SYT1: variants seen among roughly 807,000 people sequenced by gnomAD.
SYT1 encodes the protein synaptotagmin 1.
Under a neutral mutation model 44.8 loss-of-function variants are expected in SYT1, and 8 were observed. The observed-to-expected ratio is 0.18, with a 90% CI of 0.10 to 0.32. SYT1 has a LOEUF of 0.32. Ranked by LOEUF, SYT1 falls within the 10% of genes least tolerant of loss-of-function variation. SYT1 has a pLI of 1.00. For synonymous variants in SYT1, 154 were observed against 188.8 expected (o/e 0.82, Z 1.51); for missense variants, 286 against 509.3 (o/e 0.56, Z 4.22).
At chr12:78,941,021 CT>C (rs1308056880) in intron 1 of SYT1, among the ~76,000 whole-genome samples, 3 of 130,234 alleles carry the variant, frequency 2.3e-5, no homozygotes, top group Non-Finnish European at 3.4e-5. Context: ...TAGAGCATTT[CT>C]TTTTTTCTTT....
intron 2 of SYT1, among the ~76,000 whole-genome samples, chr12:79,026,383 T>C (rs1413750405): frequency 2.6e-5 from 4 of 151,576 alleles, no homozygotes; most frequent in South Asian, 2.1e-4. Context: ...TCTGAATGTG[T>C]AATGCATTTA....
intron 3 of SYT1, among the ~76,000 whole-genome samples, chr12:79,093,480 A>G (rs540549273): frequency 2.0e-5 from 3 of 151,868 alleles, no homozygotes; most frequent in African/African-American, 7.2e-5. Flanking sequence ...TGCAAAATCT[A>G]TCAATACTCT....
chr12:79,089,784 A>G (rs1877645387), intron 3 of SYT1, among the ~76,000 whole-genome samples: 1 of 152,082 alleles, frequency 6.6e-6, no homozygotes, highest in Admixed American at 6.6e-5. Context: ...CTTGCGTTTA[A>G]TTTGCTAAAC....
chr12:79,228,750 G>C (rs1186836899), intron 4 of SYT1, among the ~76,000 whole-genome samples: 1 of 152,144 alleles, frequency 6.6e-6, no homozygotes, highest in African/African-American at 2.4e-5. Flanking sequence ...CTGCATTCAA[G>C]TTATGTGAAC....
intron 9 of SYT1, among the ~76,000 whole-genome samples, chr12:79,375,622 A>T (rs1883962160): frequency 6.6e-6 from 1 of 152,222 alleles, no homozygotes; most frequent in South Asian, 2.1e-4. Flanking sequence ...TTCAAATATC[A>T]GTTCCATCAT....
intron 1 of SYT1, among the ~76,000 whole-genome samples, chr12:78,901,985 A>G (rs1024060316): frequency 1.3e-5 from 2 of 151,942 alleles, no homozygotes; most frequent in Non-Finnish European, 2.9e-5. Context: ...GAACTGAACA[A>G]TAAGAACACA....
intron 1 of SYT1, among the ~76,000 whole-genome samples, chr12:78,965,799 C>T (rs1467851307): frequency 1.3e-5 from 2 of 152,068 alleles, no homozygotes; most frequent in Non-Finnish European, 1.5e-5. Flanking sequence ...CTGGAATAGG[C>T]TTGGTGCAGT....
At chr12:79,349,027 GAAAGAA>G (rs1228671009) in intron 8 of SYT1, among the ~76,000 whole-genome samples, 7 of 85,586 alleles carry the variant, frequency 8.2e-5, no homozygotes, top group Non-Finnish European at 1.4e-4. Flanking sequence ...AAGAAAGAAA[GAAAGAA>G]AAAGAAAGAA....
chr12:78,978,442 T>A (rs889744770), intron 2 of SYT1, among the ~76,000 whole-genome samples: 2 of 152,220 alleles, frequency 1.3e-5, no homozygotes, highest in African/African-American at 4.8e-5. Context: ...CTTTCATATA[T>A]GGCTAATTCA....
chr12:79,171,465 AT>A (rs1351387904), intron 3 of SYT1, among the ~76,000 whole-genome samples: 1 of 151,890 alleles, frequency 6.6e-6, no homozygotes, highest in East Asian at 1.9e-4. Flanking sequence ...GAGTAGAAAT[AT>A]TTTTAAGGAA....
chr12:79,357,957 CAT>C lies in SYT1; in HGVS notation c.928+4340_928+4341del, dbSNP rs372217135. Reference sequence around the variant, plus strand: ...CCCAAAGGTATGAGGCTGTGTGTCTCATAGTTTTAAGCTAAAGTATATAACTT... The same window carrying C: ...CCCAAAGGTATGAGGCTGTGTGTCTCAGTTTTAAGCTAAAGTATATAACTT... On this transcript the variant is annotated intron_variant, in intron 9 of 10. Transcript: ENST00000261205. 1.2e-3 allele frequency among the ~76,000 whole-genome samples: 177 copies of C among 152,294 alleles called. 3 individuals carry two copies. In the South Asian group the frequency reaches 0.016, roughly 14 times the overall value.
chr12:79,205,793 G>C (rs1485325614), intron 3 of SYT1, among the ~76,000 whole-genome samples: 1 of 151,972 alleles, frequency 6.6e-6, no homozygotes, highest in Admixed American at 6.6e-5. Context: ...TTTTTATTTT[G>C]GCTAGTTCTT....
intron 3 of SYT1, among the ~76,000 whole-genome samples, chr12:79,057,612 G>A (rs1051172812): frequency 6.6e-6 from 1 of 151,998 alleles, no homozygotes; most frequent in African/African-American, 2.4e-5. Context: ...GTTAGTCTTA[G>A]ATGTTCTTTC....
intron 8 of SYT1, among the ~76,000 whole-genome samples, chr12:79,324,240 G>A (rs903884592): frequency 2.6e-5 from 4 of 152,068 alleles, no homozygotes; most frequent in African/African-American, 4.8e-5. Flanking sequence ...GTGAGCCACC[G>A]CGCCTGGCCT....
chr12:78,954,515 A>G (rs1366709153), intron 1 of SYT1, among the ~76,000 whole-genome samples: 2 of 152,020 alleles, frequency 1.3e-5, no homozygotes, highest in African/African-American at 4.8e-5. Flanking sequence ...TAATAAAAAT[A>G]TACATGGAAC....
chr12:78,980,268 A>G (rs1869151463), intron 2 of SYT1, among the ~76,000 whole-genome samples: 1 of 152,188 alleles, frequency 6.6e-6, no homozygotes, highest in South Asian at 2.1e-4. Flanking sequence ...AATCTACATT[A>G]GTTCTAGTAG....
At chr12:79,322,969 T>TGTAGC (rs1406475950) in intron 8 of SYT1, among the ~76,000 whole-genome samples, 3 of 152,220 alleles carry the variant, frequency 2.0e-5, no homozygotes, top group Non-Finnish European at 2.9e-5. Flanking sequence ...GGATTTGTAG[T>TGTAGC]CTTGCTTCAA....
intron 8 of SYT1, among the ~76,000 whole-genome samples, chr12:79,350,467 T>C (rs996014581): frequency 3.9e-5 from 6 of 152,030 alleles, no homozygotes; most frequent in African/African-American, 1.4e-4. Flanking sequence ...TTAGCCAGGA[T>C]GGTCTCGATG....
At chr12:79,273,121 C>CTT (rs34751116) in intron 4 of SYT1, among the ~76,000 whole-genome samples, 37,026 of 138,642 alleles carry the variant, frequency 0.27, 5,589 homozygotes, top group East Asian at 0.57. Context: ...TTTTTTCTTT[C>CTT]TTTTTTTTTT....
Sources: gnomAD v4.1 joint callset for allele counts (sites outside exome capture counted in the v4.1 genomes callset) on GRCh38, gnomAD v4.1.1 for gene constraint, MANE v1.5 for transcripts, NCBI Gene and HGNC (gene_info 2026-07-23, HGNC 2026-07-21) for gene names.